ZCRB1: variants seen among roughly 807,000 people sequenced by gnomAD.
ZCRB1 encodes the protein zinc finger CCHC-type and RNA-binding motif-containing protein 1.
Under a neutral mutation model 29.9 loss-of-function variants are expected in ZCRB1, and 21 were observed. The observed-to-expected ratio is 0.70, with a 90% CI of 0.50 to 1.01. ZCRB1 has a LOEUF of 1.01. Ranked by LOEUF, ZCRB1 falls within the 50% of genes least tolerant of loss-of-function variation. The pLI is 0.00. For missense variants in ZCRB1, 204 were observed against 253.3 expected (o/e 0.81, Z 1.32); for synonymous variants, 77 against 80.0 (o/e 0.96, Z 0.20).
At chr12:42,324,684 T>C (rs2068659526) in intron 1 of ZCRB1, among the ~76,000 whole-genome samples, 1 of 152,256 alleles carries the variant, frequency 6.6e-6, no homozygotes, top group Non-Finnish European at 1.5e-5. Context: ...TTGGTTCTTC[T>C]TCTTTCAAGT....
At chr12:42,316,963 TTGGGAGGCTGAGG>T (rs1169429643) in intron 5 of ZCRB1, among the ~76,000 whole-genome samples, 4 of 152,144 alleles carry the variant, frequency 2.6e-5, no homozygotes, top group Admixed American at 6.6e-5. Context: ...CTCTAGCACT[TTGGGAGGCTGAGG>T]TGGGAGGACT....
intron 3 of ZCRB1, among the ~76,000 whole-genome samples, chr12:42,322,058 A>G (rs142418189): frequency 1.2e-3 from 187 of 152,348 alleles, no homozygotes; most frequent in African/African-American, 3.3e-3. Flanking sequence ...CAAAACAAAA[A>G]ACCACCTATT....
chr12:42,317,722 AT>A, intron 4 of ZCRB1, 64 bp downstream of exon 4: 2 of 1,383,920 alleles, frequency 1.4e-6, no homozygotes, highest in Non-Finnish European at 2.0e-6. Context: ...ATATCCCCAC[AT>A]TTTTGGCCTG....
chr12:42,322,346 C>T, intron 3 of ZCRB1, 72 bp downstream of exon 3: 1 of 1,310,742 alleles, frequency 7.6e-7, no homozygotes, highest in Non-Finnish European at 1.0e-6. Context: ...AAAAATCTGT[C>T]ATTAAAAAAA....
intron 5 of ZCRB1, among the ~76,000 whole-genome samples, chr12:42,314,962 C>CA (rs1312804619): frequency 6.6e-6 from 1 of 152,032 alleles, no homozygotes; most frequent in Non-Finnish European, 1.5e-5. Flanking sequence ...AAAAAACAAA[C>CA]AAAAAACCAA....
rs1205933710 is a variant in ZCRB1 at position 42,312,706 on chromosome 12, A to G, written c.*361T>C. 6.5e-6 allele frequency: 1 copy of G among 153,350 alleles called. No individual in the cohort carries two copies. The highest frequency in any genetic ancestry group is 1.9e-4 in the East Asian group (1 of 5,282). The allele number at this position is 153,350 out of a possible 1,614,324, so 9.5% of individuals were successfully genotyped here. On this transcript the variant is annotated 3_prime_UTR_variant, in exon 8 of 8. Coordinates refer to ENST00000266529, the MANE Select transcript of ZCRB1 (RefSeq NM_033114.4). ...GGTATTTATAATTTATTTTATAGGTATTTACAATTTATCCAGATTGGGATA... is the reference window on the plus strand; with the variant it reads ...GGTATTTATAATTTATTTTATAGGTGTTTACAATTTATCCAGATTGGGATA...
chr12:42,323,906 G>C lies in ZCRB1; in HGVS notation c.84+113C>G, dbSNP rs767127140. The C allele has an allele frequency of 3.1e-6, 3 of 963,402 alleles. No individual in the cohort carries two copies. The Admixed American group carries it at 6.5e-5, about 21-fold the overall frequency. The allele number at this position is 963,402 out of a possible 1,614,324, so 59.7% of individuals were successfully genotyped here. ...GCCTCGTGCCTCAGTGACAGAATTA[G>C]ACTGTCTCAAAAAAAGAAAAAAAAA... On this transcript the variant is annotated intron_variant, in intron 2 of 7. Coordinates refer to ENST00000266529, the MANE Select transcript of ZCRB1 (RefSeq NM_033114.4).
intron 5 of ZCRB1, among the ~76,000 whole-genome samples, chr12:42,315,527 C>T (rs2068590660): frequency 6.6e-6 from 1 of 152,004 alleles, no homozygotes. Flanking sequence ...AAAAAATTAA[C>T]ATATCCCATA....
Position 42,322,509 on chromosome 12 carries a change from T to G in ZCRB1, c.85-63A>C, listed in dbSNP as rs966006492. ...AATCATAAAACATCAAATTTTTAGG[T>G]TGCAGACATTGACCAAATTCTTTGT... On this transcript the variant is annotated intron_variant, in intron 2 of 7. Transcript: ENST00000266529. 1.8e-5 allele frequency: 25 copies of G among 1,382,194 alleles called. No individual in the cohort carries two copies. In the East Asian group the frequency reaches 6.3e-4, roughly 35 times the overall value. 85.6% of individuals were successfully genotyped at this position (1,382,194 alleles called of 1,614,324 possible). A position where few individuals can be genotyped will look rare whatever the true frequency, so the allele number is the denominator to read the frequency against.
chr12:42,322,525 A>C, intron 2 of ZCRB1, 79 bp from the exon 3 acceptor site: 2 of 1,323,706 alleles, frequency 1.5e-6, no homozygotes, highest in Non-Finnish European at 1.0e-6. Context: ...ACATTGACCA[A>C]ATTCTTTGTT....
intron 2 of ZCRB1, chr12:42,323,697 C>T (rs12231113): frequency 0.26 from 63,503 of 245,172 alleles, 9,723 homozygotes; most frequent in African/African-American, 0.45. Context: ...AGTGGTGTGA[C>T]CTTGGCTCAC....
chr12:42,314,593 A>AAT (rs1555172124), intron 5 of ZCRB1, among the ~76,000 whole-genome samples: 2 of 150,966 alleles, frequency 1.3e-5, no homozygotes, highest in Non-Finnish European at 1.5e-5. Context: ...AAAAAAAAAA[A>AAT]ATCAAAATTT....
intron 2 of ZCRB1, among the ~76,000 whole-genome samples, 181 bp from the exon 3 acceptor site, chr12:42,322,627 T>TG (rs1455238645): frequency 6.6e-6 from 1 of 152,212 alleles, no homozygotes; most frequent in African/African-American, 2.4e-5. Context: ...TTACTGTTGT[T>TG]GGAGTCACAT....
At chr12:42,315,941 T>C (rs889613963) in intron 5 of ZCRB1, among the ~76,000 whole-genome samples, 8 of 152,114 alleles carry the variant, frequency 5.3e-5, no homozygotes, top group African/African-American at 1.9e-4. Flanking sequence ...ATCTTTTTTG[T>C]CGGGGGTATG....
intron 3 of ZCRB1, among the ~76,000 whole-genome samples, chr12:42,322,215 G>C (rs1474090237): frequency 6.8e-6 from 1 of 147,766 alleles, no homozygotes; most frequent in East Asian, 2.0e-4. Flanking sequence ...AAAGAAAATT[G>C]TATGTATGTA....
Position 42,312,129 on chromosome 12 carries a change from CAATAAT to C in ZCRB1, c.*932_*937del, listed in dbSNP as rs952426989. 5 of 151,940 alleles carry C rather than the reference CAATAAT, an allele frequency of 3.3e-5. No individual in the cohort carries two copies. Among genetic ancestry groups the C allele is most frequent in the Admixed American group, 3.3e-4 (5 of 15,258 alleles). The allele number at this position is 151,940 out of a possible 1,614,324, so 9.4% of individuals were successfully genotyped here. A position where few individuals can be genotyped will look rare whatever the true frequency, so the allele number is the denominator to read the frequency against. On this transcript the variant is annotated 3_prime_UTR_variant, in exon 8 of 8. Coordinates refer to ENST00000266529, the MANE Select transcript of ZCRB1 (RefSeq NM_033114.4). ...TTTAATATATTTTTTCTTGGGATGA[CAATAAT>C]AATATTACTATGATAGTATTAACTT...
At chr12:42,323,922 G>GAA (rs77153821) in intron 2 of ZCRB1, 97 bp downstream of exon 2, 1,374 of 877,704 alleles carry the variant, frequency 1.6e-3, no homozygotes, top group East Asian at 4.2e-3. Context: ...CTCAAAAAAA[G>GAA]AAAAAAAAAA....
chr12:42,317,890 A>T lies in ZCRB1; in HGVS notation c.122T>A (p.Ile41Asn), dbSNP rs2068602580. ...SKYGKVVKVTIMKDKDTRKSK... is the reference protein window; with the variant it reads ...SKYGKVVKVTNMKDKDTRKSK... Reference sequence around the variant, plus strand: ...CTTCCTGGTATCTTTATCTTTCATGATGGTAACCCTTAAAGCATAAACAAA... The same window carrying T: ...CTTCCTGGTATCTTTATCTTTCATGTTGGTAACCCTTAAAGCATAAACAAA... The change falls in exon 4 of 8, where the codon ATC becomes AAC. Residue 41 changes from isoleucine to asparagine, a missense_variant. Transcript: ENST00000266529. 6.2e-7 allele frequency: 1 copy of T among 1,612,698 alleles called. No individual in the cohort carries two copies. The highest frequency in any genetic ancestry group is 1.3e-5 in the African/African-American group (1 of 74,994).
At chr12:42,324,168 G>C (rs991940916) in intron 1 of ZCRB1, 64 bp from the exon 2 acceptor site, 4 of 1,488,388 alleles carry the variant, frequency 2.7e-6, no homozygotes, top group South Asian at 1.1e-5. Flanking sequence ...TGTTGTTTGA[G>C]ACGGAGTTTC....
Sources: gnomAD v4.1 joint callset for allele counts (sites outside exome capture counted in the v4.1 genomes callset) on GRCh38, gnomAD v4.1.1 for gene constraint, MANE v1.5 for transcripts, NCBI Gene and HGNC (gene_info 2026-07-23, HGNC 2026-07-21) for gene names.